Variants in CAMK2G observed in about 807,000 individuals in gnomAD.
The protein encoded by CAMK2G is calcium/calmodulin-dependent protein kinase type II subunit gamma.
In CAMK2G, 23 loss-of-function variants were observed where a neutral mutation model predicts 88.7. That is an observed-to-expected ratio of 0.26 (90% CI 0.19 to 0.37). The LOEUF (loss-of-function observed/expected upper bound fraction) is 0.37, where lower values mean the gene tolerates loss of function less well. CAMK2G is among the 10% of genes least tolerant of loss of function. The probability of loss-of-function intolerance (pLI) is 1.00; values close to 1 mark genes in which losing one functional copy is unlikely to be tolerated. For synonymous variants in CAMK2G, 263 were observed against 294.8 expected, an observed-to-expected ratio of 0.89 and a Z score of 1.11; for missense variants, 476 against 780.8, an observed-to-expected ratio of 0.61 and a Z score of 4.65.
chr10:73,824,222 G>A, intron 16 of CAMK2G, 138 bp from the exon 17 acceptor site: 2 of 655,306 alleles, frequency 3.1e-6, no homozygotes, highest in South Asian at 3.5e-5. Flanking sequence ...ATCTCCAGAA[G>A]ACAAAATATC....
chr10:73,818,608 C>T (rs916062811), intron 19 of CAMK2G: 8 of 439,886 alleles, frequency 1.8e-5, no homozygotes, highest in Admixed American at 9.5e-5. Context: ...GACAGGGCAG[C>T]GCAGCCAAAG....
At chr10:73,838,370 G>A (rs557333325) in intron 13 of CAMK2G, among the ~76,000 whole-genome samples, 23 of 152,338 alleles carry the variant, frequency 1.5e-4, no homozygotes, top group African/African-American at 5.5e-4. Context: ...CTTGCCAGCT[G>A]TGTGACCTTT....
At chr10:73,850,053 T>C (rs961203453) in intron 5 of CAMK2G, among the ~76,000 whole-genome samples, 1 of 152,186 alleles carries the variant, frequency 6.6e-6, no homozygotes, top group African/African-American at 2.4e-5. Flanking sequence ...TAGAGTGCAA[T>C]GTCGTGAACA....
At chr10:73,852,565 T>G (rs564668630) in intron 4 of CAMK2G, 6 of 525,186 alleles carry the variant, frequency 1.1e-5, no homozygotes, top group Non-Finnish European at 2.0e-5. Flanking sequence ...TCACTAATAG[T>G]CAGGCAGAGA....
intron 14 of CAMK2G, among the ~76,000 whole-genome samples, chr10:73,836,614 G>A (rs975118685): frequency 6.6e-6 from 1 of 152,146 alleles, no homozygotes; most frequent in African/African-American, 2.4e-5. Context: ...GGGAGGGAAC[G>A]GGGCTTGTGT....
chr10:73,833,067 C>G (rs914862096), intron 14 of CAMK2G, among the ~76,000 whole-genome samples: 2 of 150,966 alleles, frequency 1.3e-5, no homozygotes, highest in Non-Finnish European at 2.9e-5. Flanking sequence ...CTCAAGCAAT[C>G]CTCCCACCTC....
chr10:73,839,671 C>G lies in CAMK2G; in HGVS notation c.947-70G>C. ...CGGGGCCGTCAGCAGCGAGCATGCC[C>G]CAGCGCGAGGCGCAGCCCAGGCGGC... On this transcript the variant is annotated intron_variant, in intron 12 of 22. Transcript: ENST00000423381. The surrounding 1 kb of genome is among the most constrained non-coding windows in gnomAD (Gnocchi z 4.2). 1 of 993,486 alleles carries G rather than the reference C, an allele frequency of 1.0e-6. No individual in the cohort carries two copies. The highest frequency in any genetic ancestry group is 1.3e-6 in the Non-Finnish European group (1 of 769,456). 61.5% of individuals were successfully genotyped at this position (993,486 alleles called of 1,614,324 possible).
intron 1 of CAMK2G, 58 bp from the exon 2 acceptor site, chr10:73,873,141 C>T: frequency 1.6e-6 from 2 of 1,229,196 alleles, no homozygotes; most frequent in South Asian, 2.4e-5. Context: ...GACACAGACA[C>T]ACTTCAAGTC....
Position 73,842,100 on chromosome 10 carries a change from G to T in CAMK2G, c.946+69C>A. 7.8e-7 allele frequency: 1 copy of T among 1,279,594 alleles called. No individual in the cohort carries two copies. Among genetic ancestry groups the T allele is most frequent in the South Asian group, 1.2e-5 (1 of 84,458 alleles). 79.3% of individuals were successfully genotyped at this position (1,279,594 alleles called of 1,614,324 possible). A position where few individuals can be genotyped will look rare whatever the true frequency, so the allele number is the denominator to read the frequency against. On this transcript the variant is annotated intron_variant, in intron 12 of 22. Transcript: ENST00000423381. This position sits in a 1 kb window ranked among gnomAD's most constrained non-coding sequence, Gnocchi z 4.6. ...CGCCGAGGAAACCCAGCGGTGCCCG[G>T]GATGGCAACAGCCCATTCCTGATCC...
intron 10 of CAMK2G, among the ~76,000 whole-genome samples, chr10:73,844,937 C>G (rs897221305): frequency 2.0e-5 from 3 of 152,208 alleles, no homozygotes; most frequent in African/African-American, 7.2e-5. Context: ...CTGACGCTCC[C>G]TTACTGAGAC....
rs2090487708 is a variant in CAMK2G at position 73,825,179 on chromosome 10, G to C, written c.1155+100C>G. On this transcript the variant is annotated intron_variant, in intron 16 of 22. Transcript: ENST00000423381. The stretch of plus-strand genomic sequence containing the variant: ...GTCAGTTCTATGGGGACCAAGAAAG[G>C]AACAGGCCAGGAGGCCAGGGAGGGG... 3.5e-5 allele frequency: 30 copies of C among 852,262 alleles called. 1 individual carries two copies. The South Asian group carries it at 3.8e-4, about 11-fold the overall frequency. The allele number at this position is 852,262 out of a possible 1,614,324, so 52.8% of individuals were successfully genotyped here.
At chr10:73,852,496 T>C (rs1446863153) in intron 4 of CAMK2G, 177 bp from the exon 5 acceptor site, 3 of 610,204 alleles carry the variant, frequency 4.9e-6, no homozygotes, top group Middle Eastern at 4.3e-4. Context: ...CGGATTCTCC[T>C]TGAGGTATCA....
intron 18 of CAMK2G, among the ~76,000 whole-genome samples, chr10:73,821,347 G>T (rs191028578): frequency 2.0e-3 from 304 of 152,238 alleles, no homozygotes; most frequent in Admixed American, 3.5e-3. Context: ...GCACTTACAG[G>T]CTACTTCGGC....
chr10:73,843,935 G>C (rs2094020005), intron 10 of CAMK2G, among the ~76,000 whole-genome samples: 1 of 152,082 alleles, frequency 6.6e-6, no homozygotes, highest in Non-Finnish European at 1.5e-5. Flanking sequence ...GGGGATCATG[G>C]TCATCCCCGG....
At chr10:73,873,634 ACAGT>A in intron 1 of CAMK2G, 2 of 559,844 alleles carry the variant, frequency 3.6e-6, no homozygotes, top group Non-Finnish European at 4.5e-6. Flanking sequence ...AAGAGAGGAC[ACAGT>A]CAGACATCAA....
Position 73,852,073 on chromosome 10 carries a change from A to G in CAMK2G, c.341+181T>C, listed in dbSNP as rs142271867. Among the ~76,000 whole-genome samples, 291 of 152,230 alleles carry G rather than the reference A, an allele frequency of 1.9e-3. 1 individual carries two copies. The highest frequency in any genetic ancestry group is 6.7e-3 in the African/African-American group (278 of 41,546). On this transcript the variant is annotated intron_variant, in intron 5 of 22. Coordinates refer to ENST00000423381, the MANE Select transcript of CAMK2G (RefSeq NM_001367534.1). ...GGAAGTGCTGAATTTTTAACTTCTA[A>G]TATCACCCACAGTATGCAAGCCCTA...
chr10:73,846,041 C>T (rs892007666), intron 10 of CAMK2G, among the ~76,000 whole-genome samples: 4 of 152,056 alleles, frequency 2.6e-5, no homozygotes, highest in African/African-American at 9.7e-5. Context: ...CCTCAGCATC[C>T]CCAGCAGCTG....
At chr10:73,833,915 T>G (rs1387623597) in intron 14 of CAMK2G, among the ~76,000 whole-genome samples, 2 of 121,332 alleles carry the variant, frequency 1.6e-5, no homozygotes, top group Admixed American at 8.1e-5. Context: ...CTGGGTTTTT[T>G]TTTTTTTTTT....
At chr10:73,826,332 C>G (rs1252310045) in intron 15 of CAMK2G, among the ~76,000 whole-genome samples, 1 of 152,178 alleles carries the variant, frequency 6.6e-6, no homozygotes, top group Non-Finnish European at 1.5e-5. Context: ...ACTCGGGAGG[C>G]TGAGACAAGA....
Sources: gnomAD v4.1 joint callset for allele counts (sites outside exome capture counted in the v4.1 genomes callset) on GRCh38, gnomAD v4.1.1 for gene constraint, Gnocchi (gnomAD v3.1) non-coding constraint, MANE v1.5 for transcripts, NCBI Gene and HGNC (gene_info 2026-07-23, HGNC 2026-07-21) for gene names.